FBN2: variants seen among roughly 807,000 people sequenced by gnomAD.
FBN2 encodes fibrillin 2.
A neutral mutation model predicts 355.6 loss-of-function variants in FBN2; 105 were observed. The observed-to-expected ratio is 0.30, with a 90% CI of 0.25 to 0.35. The LOEUF (loss-of-function observed/expected upper bound fraction) is 0.35. Among genes scored for constraint, FBN2 ranks in the 10% least tolerant of loss-of-function variants. FBN2 has a pLI of 1.00. For synonymous variants in FBN2, 1,350 were observed against 1,301.2 expected (o/e 1.04, Z -0.81); for missense variants, 3,280 against 3,758.7 (o/e 0.87, Z 3.33).
chr5:128,267,789 T>C (rs1433135388), intron 62 of FBN2, among the ~76,000 whole-genome samples: 3 of 152,206 alleles, frequency 2.0e-5, no homozygotes, highest in Non-Finnish European at 2.9e-5. Flanking sequence ...ACTCTGATGA[T>C]AGTTTCTTTT....
intron 5 of FBN2, among the ~76,000 whole-genome samples, chr5:128,504,627 G>A (rs1289207623): frequency 6.6e-6 from 1 of 152,144 alleles, no homozygotes; most frequent in Non-Finnish European, 1.5e-5. Flanking sequence ...TGTCCCATTT[G>A]GAACAGGTGT....
chr5:128,394,511 A>C (rs1207303486), intron 9 of FBN2, among the ~76,000 whole-genome samples: 1 of 152,198 alleles, frequency 6.6e-6, no homozygotes, highest in Non-Finnish European at 1.5e-5. Context: ...ATGAAGACAG[A>C]GTTTTCTTCC....
intron 34 of FBN2, among the ~76,000 whole-genome samples, chr5:128,324,566 G>A (rs1320582544): frequency 1.3e-5 from 2 of 151,204 alleles, no homozygotes; most frequent in African/African-American, 4.9e-5. Context: ...TCAGGAACAG[G>A]TTGTTCAGTT....
intron 5 of FBN2, among the ~76,000 whole-genome samples, chr5:128,498,352 C>T (rs1164821006): frequency 6.6e-6 from 1 of 152,236 alleles, no homozygotes; most frequent in Non-Finnish European, 1.5e-5. Context: ...GCACTTTCCA[C>T]TGGGATTTCC....
At chr5:128,344,617 T>TA in intron 24 of FBN2, 107 bp from the exon 25 acceptor site, 1 of 998,980 alleles carries the variant, frequency 1.0e-6, no homozygotes, top group Non-Finnish European at 1.6e-6. Context: ...TGCATCCAAG[T>TA]AAAAAACAGG....
chr5:128,386,529 T>C (rs1275010201), intron 11 of FBN2, among the ~76,000 whole-genome samples: 2 of 152,120 alleles, frequency 1.3e-5, no homozygotes, highest in Non-Finnish European at 1.5e-5. Flanking sequence ...TCCACATGAA[T>C]TTTAAAATAG....
chr5:128,315,986 C>CT (rs963114506), intron 36 of FBN2, among the ~76,000 whole-genome samples: 19 of 152,188 alleles, frequency 1.2e-4, no homozygotes, highest in African/African-American at 4.3e-4. Flanking sequence ...AAAAGAGCTG[C>CT]TCTCTGTCTC....
At chr5:128,310,255 T>C (rs1749997627) in intron 39 of FBN2, 147 bp from the exon 40 acceptor site, 1 of 672,986 alleles carries the variant, frequency 1.5e-6, no homozygotes, top group African/African-American at 1.8e-5. Flanking sequence ...CAAATATGCA[T>C]TTATATAACA....
At chr5:128,449,288 TTATAC>T (rs1309891681) in intron 6 of FBN2, among the ~76,000 whole-genome samples, 3 of 148,276 alleles carry the variant, frequency 2.0e-5, no homozygotes, top group African/African-American at 7.4e-5. Context: ...CATTATACTA[TTATAC>T]TATATAATAG....
At chr5:128,397,876 C>T (rs1180526413) in intron 8 of FBN2, among the ~76,000 whole-genome samples, 1 of 152,080 alleles carries the variant, frequency 6.6e-6, no homozygotes, top group Non-Finnish European at 1.5e-5. Context: ...TCCACTCTCC[C>T]CCAATACATA....
intron 45 of FBN2, 62 bp from the exon 46 acceptor site, chr5:128,303,151 C>A (rs143630288): frequency 2.2e-6 from 2 of 929,396 alleles, no homozygotes; most frequent in Non-Finnish European, 3.6e-6. Context: ...GGCTATTAAC[C>A]GTTTTATATG....
chr5:128,414,504 C>A (rs539239022), intron 7 of FBN2, among the ~76,000 whole-genome samples: 38 of 152,038 alleles, frequency 2.5e-4, no homozygotes, highest in Middle Eastern at 6.3e-3. Flanking sequence ...TATGGATATA[C>A]CACAGTTTAT....
In FBN2 at chr5:128,466,468, A is replaced by G. The variant is rs73347167; in HGVS notation, c.629-1547T>C. On this transcript the variant is annotated intron_variant, in intron 5 of 64. Coordinates refer to ENST00000262464, the MANE Select transcript of FBN2 (RefSeq NM_001999.4). The stretch of plus-strand genomic sequence containing the variant: ...ATGAAAAACTGTTTCTAGGAAAATC[A>G]AACTTGGATATAATTTAACATTCAA... Among the ~76,000 whole-genome samples the G allele has an allele frequency of 1.7e-3, 265 of 152,338 alleles. 2 individuals are homozygous for G. Among genetic ancestry groups the G allele is most frequent in the African/African-American group, 6.3e-3 (260 of 41,586 alleles).
intron 11 of FBN2, among the ~76,000 whole-genome samples, chr5:128,381,847 A>C (rs1325487117): frequency 6.6e-6 from 1 of 152,124 alleles, no homozygotes; most frequent in African/African-American, 2.4e-5. Flanking sequence ...GATACCCTTT[A>C]GGTTTGTACA....
chr5:128,299,424 C>A (rs1204889323), intron 48 of FBN2, among the ~76,000 whole-genome samples: 4 of 56,134 alleles, frequency 7.1e-5, no homozygotes, highest in Admixed American at 2.0e-4. Context: ...GGGCGCCCCT[C>A]CCCCAGCCTC....
chr5:128,266,341 T>G (rs1765112854), intron 62 of FBN2, among the ~76,000 whole-genome samples: 1 of 152,224 alleles, frequency 6.6e-6, no homozygotes. Flanking sequence ...GGATATCTGC[T>G]CATGTATTTT....
chr5:128,494,376 T>C (rs1755593888), intron 5 of FBN2, among the ~76,000 whole-genome samples: 1 of 152,210 alleles, frequency 6.6e-6, no homozygotes, highest in Admixed American at 6.5e-5. Context: ...GGTAGCTTTA[T>C]GAGGGCATTC....
intron 6 of FBN2, among the ~76,000 whole-genome samples, chr5:128,457,861 A>G (rs71587977): frequency 6.6e-6 from 1 of 151,744 alleles, no homozygotes; most frequent in Admixed American, 6.6e-5. Context: ...AAAACAAAAA[A>G]CAAAATATAA....
chr5:128,374,772 C>T (rs761984133), intron 14 of FBN2, 22 bp from the exon 15 acceptor site: 1 of 1,613,628 alleles, frequency 6.2e-7, no homozygotes, highest in Admixed American at 1.7e-5. Flanking sequence ...GTGACAGAAG[C>T]CAAGCAGTTA....
Sources: allele counts gnomAD v4.1 joint callset (sites outside exome capture counted in the v4.1 genomes callset), GRCh38; gene constraint gnomAD v4.1.1; transcripts MANE v1.5; gene names NCBI Gene and HGNC (gene_info 2026-07-23, HGNC 2026-07-21).